The following FBXL17 variants were observed in gnomAD, a reference collection of about 807,000 sequenced individuals.
FBXL17 encodes the protein F-box/LRR-repeat protein 17.
In FBXL17, 22 loss-of-function variants were observed where a neutral mutation model predicts 66.2. The observed-to-expected ratio is 0.33, with a 90% CI of 0.24 to 0.47. The LOEUF is 0.47. Ranked by LOEUF, FBXL17 falls within the 20% of genes least tolerant of loss-of-function variation. The pLI is 1.00. For missense variants in FBXL17, 878 were observed against 948.2 expected, an observed-to-expected ratio of 0.93 and a Z score of 0.97; for synonymous variants, 474 against 400.5, an observed-to-expected ratio of 1.18 and a Z score of -2.19.
intron 7 of FBXL17, among the ~76,000 whole-genome samples, chr5:108,010,491 G>C (rs1378115298): frequency 6.6e-6 from 1 of 152,158 alleles, no homozygotes; most frequent in Admixed American, 6.5e-5. Context: ...GTTGTAATGA[G>C]AAGGCTGGAC....
At chr5:108,237,609 T>C (rs911604455) in intron 4 of FBXL17, among the ~76,000 whole-genome samples, 1 of 152,160 alleles carries the variant, frequency 6.6e-6, no homozygotes, top group African/African-American at 2.4e-5. Context: ...CCATGACTGA[T>C]GGAGTCATTC....
rs375603993 is a variant in FBXL17 at position 108,142,654 on chromosome 5, C to T, written c.1745+43463G>A. ...AAAACCAATTGGGAATAAGGAAAAC[C>T]GTAGGGGAAGAAATGTTGATGAGAA... On this transcript the variant is annotated intron_variant, in intron 6 of 8. Transcript: ENST00000542267. Among the ~76,000 whole-genome samples the T allele has an allele frequency of 2.6e-5, 4 of 151,960 alleles. No individual in the cohort carries two copies. The East Asian group carries it at 5.8e-4, about 22-fold the overall frequency.
intron 4 of FBXL17, among the ~76,000 whole-genome samples, chr5:108,234,904 G>A (rs1455940212): frequency 2.0e-5 from 3 of 152,124 alleles, no homozygotes; most frequent in Non-Finnish European, 2.9e-5. Context: ...GACAGGGAAA[G>A]CTCTTCTATA....
intron 6 of FBXL17, among the ~76,000 whole-genome samples, chr5:108,086,717 C>CACCCAGCTA (rs1168455884): frequency 6.6e-6 from 1 of 152,144 alleles, no homozygotes; most frequent in African/African-American, 2.4e-5. Flanking sequence ...TATGCCACCA[C>CACCCAGCTA]ACCCAGCTAA....
chr5:108,233,754 T>C (rs1755473880), intron 4 of FBXL17, among the ~76,000 whole-genome samples: 1 of 151,944 alleles, frequency 6.6e-6, no homozygotes, highest in South Asian at 2.1e-4. Flanking sequence ...TGTACTAGAG[T>C]CAAAAGGACC....
intron 7 of FBXL17, among the ~76,000 whole-genome samples, chr5:107,897,256 T>C (rs1749415496): frequency 6.6e-6 from 1 of 152,036 alleles, no homozygotes; most frequent in Non-Finnish European, 1.5e-5. Context: ...AAAAATTTTA[T>C]TAGTAAGGAA....
chr5:108,223,293 T>C (rs925563975), intron 5 of FBXL17, among the ~76,000 whole-genome samples: 1 of 152,158 alleles, frequency 6.6e-6, no homozygotes, highest in African/African-American at 2.4e-5. Flanking sequence ...CCTGGGATCT[T>C]ACCTGGTTTT....
chr5:108,131,451 A>G (rs1455654571), intron 6 of FBXL17, among the ~76,000 whole-genome samples: 2 of 152,208 alleles, frequency 1.3e-5, no homozygotes, highest in Non-Finnish European at 2.9e-5. Context: ...GGATGCTTCT[A>G]TGAAAAGATA....
Position 108,140,037 on chromosome 5 carries a change from C to A in FBXL17, c.1745+46080G>T, listed in dbSNP as rs539031282. ...GTGTATTATAATCTGGGTTTAGTCC[C>A]CCACCCTATCATTTTTTGTTTGTTT... is the stretch of plus-strand genomic sequence containing the variant. On this transcript the variant is annotated intron_variant, in intron 6 of 8. Transcript: ENST00000542267. Among the ~76,000 whole-genome samples the A allele has an allele frequency of 2.6e-5, 4 of 152,172 alleles. No homozygotes were observed. The South Asian group carries it at 8.3e-4, about 32-fold the overall frequency.
intron 7 of FBXL17, among the ~76,000 whole-genome samples, chr5:107,906,588 A>G (rs2112540218): frequency 6.6e-6 from 1 of 152,294 alleles, no homozygotes; most frequent in South Asian, 2.1e-4. Flanking sequence ...AGAAGTAGGG[A>G]CAGGACTGGA....
intron 4 of FBXL17, among the ~76,000 whole-genome samples, chr5:108,329,599 G>A (rs150885250): frequency 2.0e-5 from 3 of 152,164 alleles, no homozygotes; most frequent in African/African-American, 7.2e-5. Flanking sequence ...TACTACCATA[G>A]CTCAATGAAA....
intron 7 of FBXL17, among the ~76,000 whole-genome samples, chr5:107,973,895 A>G (rs1752480974): frequency 6.6e-6 from 1 of 151,800 alleles, no homozygotes; most frequent in Non-Finnish European, 1.5e-5. Flanking sequence ...CTAGTTAGAC[A>G]AAATCTTATT....
At chr5:107,914,150 C>G (rs1281337626) in intron 7 of FBXL17, among the ~76,000 whole-genome samples, 1 of 152,036 alleles carries the variant, frequency 6.6e-6, no homozygotes, top group Admixed American at 6.5e-5. Flanking sequence ...CTAAACCCTA[C>G]AAGTAGTTCA....
intron 4 of FBXL17, among the ~76,000 whole-genome samples, chr5:108,322,641 T>C (rs1759671653): frequency 6.6e-6 from 1 of 151,900 alleles, no homozygotes; most frequent in Admixed American, 6.6e-5. Flanking sequence ...CCACAACGCT[T>C]TCTACAAATA....
At position 108,206,089 on chromosome 5, in the gene FBXL17, T is replaced by C. The variant is rs547498044; in HGVS notation, c.1614+18032A>G. 6.5e-4 allele frequency among the ~76,000 whole-genome samples: 99 copies of C among 152,286 alleles called. 1 individual carries two copies. The South Asian group carries it at 0.011, about 17-fold the overall frequency. On this transcript the variant is annotated intron_variant, in intron 5 of 8. Coordinates refer to ENST00000542267, the MANE Select transcript of FBXL17 (RefSeq NM_001163315.3). ...CTACATGGGAATATCAATCCACATA[T>C]AATCGCTTTTGCTTTCATTGATGAT...
intron 4 of FBXL17, among the ~76,000 whole-genome samples, chr5:108,285,563 C>G (rs922670330): frequency 6.6e-6 from 1 of 151,756 alleles, no homozygotes; most frequent in African/African-American, 2.4e-5. Context: ...TCATGGGTAA[C>G]CACATACATT....
intron 4 of FBXL17, among the ~76,000 whole-genome samples, chr5:108,241,809 C>T (rs77192698): frequency 1.3e-5 from 2 of 152,234 alleles, no homozygotes; most frequent in Admixed American, 6.5e-5. Context: ...AGCTCCAATA[C>T]GTCCGTAACA....
intron 5 of FBXL17, among the ~76,000 whole-genome samples, chr5:108,189,020 G>A (rs932869387): frequency 2.0e-5 from 3 of 152,106 alleles, no homozygotes; most frequent in Non-Finnish European, 4.4e-5. Context: ...GCATGTGGTG[G>A]GCACAGAAAT....
chr5:108,176,030 G>A (rs1250305249), intron 6 of FBXL17, among the ~76,000 whole-genome samples: 2 of 152,056 alleles, frequency 1.3e-5, no homozygotes, highest in African/African-American at 4.8e-5. Context: ...TTTTGGTTTG[G>A]TGAATTAAGA....
Sources: gnomAD v4.1 joint callset for allele counts (sites outside exome capture counted in the v4.1 genomes callset) on GRCh38, gnomAD v4.1.1 for gene constraint, MANE v1.5 for transcripts, NCBI Gene and HGNC (gene_info 2026-07-23, HGNC 2026-07-21) for gene names.